RUBCNL: variants seen among roughly 807,000 people sequenced by gnomAD.
The protein encoded by RUBCNL is protein associated with UVRAG as autophagy enhancer.
A neutral mutation model predicts 69.5 loss-of-function variants in RUBCNL; 62 were observed. The observed-to-expected ratio is 0.89, with a 90% confidence interval of 0.73 to 1.10. The LOEUF is 1.10. Ranked by LOEUF, RUBCNL falls within the 50% of genes least tolerant of loss-of-function variation. The pLI, the probability that RUBCNL is intolerant of heterozygous loss-of-function variation, is 0.00. For missense variants in RUBCNL, 768 were observed against 798.1 expected, an observed-to-expected ratio of 0.96 and a Z score of 0.45; for synonymous variants, 291 against 303.6, an observed-to-expected ratio of 0.96 and a Z score of 0.43.
rs1166964345 is a variant in RUBCNL at position 46,371,677 on chromosome 13, C to G, written c.535+264G>C. Among the ~76,000 whole-genome samples, 12 of 152,300 alleles carry G rather than the reference C, an allele frequency of 7.9e-5. No individual in the cohort carries two copies. The East Asian group carries it at 2.3e-3, about 29-fold the overall frequency. ...TAGACAATTTAATGAGCTCTAAGTT[C>G]CTGAAGGCAGACGCCAGCTTAAAGA... is the stretch of plus-strand genomic sequence containing the variant. On this transcript the variant is annotated intron_variant, in intron 3 of 14. Transcript: ENST00000429979.
chr13:46,356,930 T>C (rs371333526), intron 9 of RUBCNL, among the ~76,000 whole-genome samples: 1 of 150,680 alleles, frequency 6.6e-6, no homozygotes, highest in African/African-American at 2.4e-5. Context: ...GGTCTCTCTA[T>C]GTTGCCCACA....
intron 5 of RUBCNL, among the ~76,000 whole-genome samples, chr13:46,363,791 G>A (rs1267225916): frequency 1.3e-5 from 2 of 151,594 alleles, no homozygotes; most frequent in African/African-American, 4.8e-5. Context: ...AGCCTGGGAG[G>A]CGGAGATTGT....
At chr13:46,344,545 ACTC>A (rs2048202479) in intron 14 of RUBCNL, among the ~76,000 whole-genome samples, 193 bp downstream of exon 14, 1 of 151,392 alleles carries the variant, frequency 6.6e-6, no homozygotes, top group African/African-American at 2.4e-5. Context: ...CCACCCAAAT[ACTC>A]CTCCTTCTGT....
intron 11 of RUBCNL, 119 bp downstream of exon 11, chr13:46,349,994 C>T: frequency 1.3e-6 from 1 of 777,104 alleles, no homozygotes; most frequent in Non-Finnish European, 2.1e-6. Flanking sequence ...GCTTCACTCG[C>T]TTTATGATCC....
chr13:46,388,383 G>T (rs1307909742), upstream of RUBCNL, among the ~76,000 whole-genome samples: 2 of 119,118 alleles, frequency 1.7e-5, no homozygotes, highest in African/African-American at 5.5e-5. Context: ...GGAAGGAAGG[G>T]CGAAGGAAGG....
chr13:46,352,631 C>A (rs1324698244), intron 10 of RUBCNL, among the ~76,000 whole-genome samples: 2 of 152,018 alleles, frequency 1.3e-5, no homozygotes, highest in African/African-American at 4.8e-5. Flanking sequence ...ACGGAGAAAC[C>A]CCATCTCCAC....
At position 46,342,255 on chromosome 13, in the gene RUBCNL, G is replaced by A. The variant is rs940564625; in HGVS notation, c.*1130C>T. The stretch of plus-strand genomic sequence containing the variant: ...ATGGGGTTAGGGGACAATCTGTGAC[G>A]CTTTATTGCCTGCCTGTGCTGTCTG... On this transcript the variant is annotated 3_prime_UTR_variant, in exon 15 of 15. Coordinates refer to ENST00000429979, the MANE Select transcript of RUBCNL (RefSeq NM_025113.5). 6.6e-6 allele frequency: 1 copy of A among 152,282 alleles called. No individual in the cohort carries two copies. Among genetic ancestry groups the A allele is most frequent in the East Asian group, 1.9e-4 (1 of 5,170 alleles). 9.4% of individuals were successfully genotyped at this position (152,282 alleles called of 1,614,324 possible). A position where few individuals can be genotyped will look rare whatever the true frequency, so the allele number is the denominator to read the frequency against.
At chr13:46,357,968 T>C (rs1339934285) in intron 9 of RUBCNL, among the ~76,000 whole-genome samples, 3 of 152,204 alleles carry the variant, frequency 2.0e-5, no homozygotes, top group African/African-American at 7.2e-5. Context: ...CCCATAGTTT[T>C]ACATGTGACT....
At position 46,380,059 on chromosome 13, in the gene RUBCNL, C is replaced by T. The variant is rs116588590; in HGVS notation, c.-238-2054G>A. Among the ~76,000 whole-genome samples the T allele has an allele frequency of 8.6e-3, 1,312 of 152,314 alleles. 13 individuals are homozygous for T. The highest frequency in any genetic ancestry group is 0.029 in the African/African-American group (1,215 of 41,570). ...TAAAAGCAGCAGAAAGGAAACAGTG[C>T]TATACTGTTTCCCTGGCTGGGTGGT... On this transcript the variant is annotated intron_variant, in intron 1 of 14. Transcript: ENST00000429979.
Position 46,335,260 on chromosome 13 carries a change from GTTTTTTTTTTT to G in RUBCNL, c.*8114_*8124del, listed in dbSNP as rs764458781. On this transcript the variant is annotated 3_prime_UTR_variant, in exon 15 of 15. Coordinates refer to ENST00000429979, the MANE Select transcript of RUBCNL (RefSeq NM_025113.5). ...GTGTCTTTTTGTTGTTGTTGTTGTT[GTTTTTTTTTTT>G]TTTTTTTTTTTTTTAAGAGACAGGG... Among the ~76,000 whole-genome samples, 6 of 101,902 alleles carry G rather than the reference GTTTTTTTTTTT, an allele frequency of 5.9e-5. No individual in the cohort carries two copies. Among genetic ancestry groups the G allele is most frequent in the South Asian group, 3.6e-4 (1 of 2,812 alleles). The allele number at this position is 101,902 out of a possible 152,430, so 66.9% of individuals were successfully genotyped here.
intron 2 of RUBCNL, among the ~76,000 whole-genome samples, chr13:46,375,919 G>A (rs551614047): frequency 1.3e-5 from 2 of 152,248 alleles, no homozygotes; most frequent in African/African-American, 4.8e-5. Context: ...CAAGACTAAC[G>A]CCTCTTTTTC....
At chr13:46,357,319 T>G in intron 9 of RUBCNL, among the ~76,000 whole-genome samples, 1 of 123,860 alleles carries the variant, frequency 8.1e-6, no homozygotes. Flanking sequence ...GGCGATAGAG[T>G]GAGACTCCGT....
At chr13:46,378,281 T>C (rs1011893373) in intron 1 of RUBCNL, among the ~76,000 whole-genome samples, 8 of 152,160 alleles carry the variant, frequency 5.3e-5, no homozygotes, top group African/African-American at 1.4e-4. Context: ...ATTTCAAGGA[T>C]TGATAAGCAG....
chr13:46,367,163 G>A (rs2048775900), intron 5 of RUBCNL, among the ~76,000 whole-genome samples: 1 of 152,204 alleles, frequency 6.6e-6, no homozygotes, highest in Non-Finnish European at 1.5e-5. Context: ...AGGTCCCAGA[G>A]TGAGCCGAGG....
chr13:46,388,669 G>A (rs369937633), upstream of RUBCNL, among the ~76,000 whole-genome samples: 7 of 152,288 alleles, frequency 4.6e-5, no homozygotes, highest in East Asian at 1.2e-3. Context: ...TAGGTGAACC[G>A]GTCCTGGCTT....
At chr13:46,353,942 C>G (rs1195284268) in intron 10 of RUBCNL, among the ~76,000 whole-genome samples, 3 of 152,140 alleles carry the variant, frequency 2.0e-5, no homozygotes, top group African/African-American at 7.2e-5. Flanking sequence ...TGCTACCATA[C>G]TGCATAGTGC....
chr13:46,335,015 A>C lies in RUBCNL; in HGVS notation c.*8370T>G, dbSNP rs1038579747. Among the ~76,000 whole-genome samples, 4 of 152,066 alleles carry C rather than the reference A, an allele frequency of 2.6e-5. No homozygotes were observed. Among genetic ancestry groups the C allele is most frequent in the African/African-American group, 9.7e-5 (4 of 41,412 alleles). On this transcript the variant is annotated 3_prime_UTR_variant, in exon 15 of 15. Coordinates refer to ENST00000429979, the MANE Select transcript of RUBCNL (RefSeq NM_025113.5). ...GATGGAGGGAAGAGAGGAACAGCTC[A>C]GGAAGTGGTGCAGGTCAAGCCCAAC...
chr13:46,375,322 C>T (rs2138818806), intron 2 of RUBCNL, among the ~76,000 whole-genome samples: 1 of 152,312 alleles, frequency 6.6e-6, no homozygotes, highest in East Asian at 1.9e-4. Context: ...AACCTGAAGT[C>T]AGGAGTTCGA....
upstream of RUBCNL, chr13:46,387,290 C>G (rs961858440): frequency 3.0e-6 from 3 of 985,330 alleles, no homozygotes; most frequent in African/African-American, 3.5e-5. Flanking sequence ...AGCGACGCCC[C>G]GACGCCGCCA....
Sources: gnomAD v4.1 joint callset for allele counts (sites outside exome capture counted in the v4.1 genomes callset) on GRCh38, gnomAD v4.1.1 for gene constraint, MANE v1.5 for transcripts, NCBI Gene and HGNC (gene_info 2026-07-23, HGNC 2026-07-21) for gene names.